Variants in HSD3B7 observed in about 807,000 individuals in gnomAD.
The protein encoded by HSD3B7 is hydroxy-delta-5-steroid dehydrogenase, 3 beta- and steroid delta-isomerase 7, also known as 3 beta-hydroxysteroid dehydrogenase type 7.
Under a neutral mutation model 34.3 loss-of-function variants are expected in HSD3B7, and 35 were observed. The observed-to-expected ratio is 1.02, with a 90% CI of 0.78 to 1.35. The LOEUF is 1.35. Among genes scored for constraint, HSD3B7 ranks in the 40% most tolerant of loss-of-function variants. The pLI is 0.00. For synonymous variants in HSD3B7, 217 were observed against 220.1 expected (o/e 0.99, Z 0.13); for missense variants, 426 against 504.7 (o/e 0.84, Z 1.49).
Position 30,985,752 on chromosome 16 carries a change from C to T in HSD3B7, c.94C>T (p.Arg32Trp), listed in dbSNP as rs775304061. The T allele has an allele frequency of 2.3e-5, 37 of 1,605,794 alleles. No homozygotes were observed. Among genetic ancestry groups the T allele is most frequent in the South Asian group, 5.6e-5 (5 of 89,618 alleles). Residue 32 changes from arginine (R) to tryptophan (W), a missense_variant, in exon 2 of 7, where the codon CGG becomes TGG. Coordinates refer to ENST00000297679, the MANE Select transcript of HSD3B7 (RefSeq NM_025193.4). The stretch of plus-strand genomic sequence containing the variant: ...GCACGTGGTGCGAATGCTGCTGCAG[C>T]GGGAGCCCCGGCTCGGGGAGCTGCG... ...GEHVVRMLLQREPRLGELRVF... is the reference protein window; with the variant it reads ...GEHVVRMLLQWEPRLGELRVF...
rs1040391214 is a variant in HSD3B7 at position 30,987,790 on chromosome 16, G to A, written c.717G>A (p.Val239=). 6.2e-7 allele frequency: 1 copy of A among 1,612,716 alleles called. No homozygotes were observed. The highest frequency in any genetic ancestry group is 8.5e-7 in the Non-Finnish European group (1 of 1,180,020). ...CAGGCAATGTTGCCTGGATGCACGT[G>A]CTGGCAGCCCGGGAGCTGGAGCAGC... The part of the protein sequence containing the change: ...VYVGNVAWMH[V]LAARELEQRA... Residue 239 remains valine, a synonymous_variant, in exon 7 of 7, where the codon GTG becomes GTA. Transcript: ENST00000297679.
chr16:30,988,335 TTTC>T lies in HSD3B7; in HGVS notation c.*155_*157del. The T allele has an allele frequency of 1.4e-6, 1 of 706,032 alleles. No individual in the cohort carries two copies. The allele number at this position is 706,032 out of a possible 1,614,324, so 43.7% of individuals were successfully genotyped here. On this transcript the variant is annotated 3_prime_UTR_variant, in exon 7 of 7. Coordinates refer to ENST00000297679, the MANE Select transcript of HSD3B7 (RefSeq NM_025193.4). ...GTCCTTGTCGTAGAGCCCTCCACAT[TTTC>T]TTTTTCTTTTTTGAGACAGGGTCTT...
chr16:30,985,686 C>T lies in HSD3B7; in HGVS notation c.28C>T (p.Leu10=), dbSNP rs753335918. The change falls in exon 2 of 7, where the codon CTG becomes TTG. Residue 10 remains leucine (L), a synonymous_variant. Coordinates refer to ENST00000297679, the MANE Select transcript of HSD3B7 (RefSeq NM_025193.4). The part of the protein sequence containing the change: MADSAQAQK[L]VYLVTGGCGF... ...GGCCGACTCTGCACAGGCCCAGAAG[C>T]TGGTGTACCTGGTCACAGGGGGCTG... 2 of 1,607,894 alleles carry T rather than the reference C, an allele frequency of 1.2e-6. No homozygotes were observed. Among genetic ancestry groups the T allele is most frequent in the African/African-American group, 2.7e-5 (2 of 74,862 alleles).
In HSD3B7 at chr16:30,985,747, T is replaced by TGCA; in HGVS notation, c.92_94dup (p.Gln31dup). The TGCA allele has an allele frequency of 3.1e-6, 5 of 1,607,368 alleles. No homozygotes were observed. The highest frequency in any genetic ancestry group is 4.2e-6 in the Non-Finnish European group (5 of 1,178,284). On this transcript the variant is annotated inframe_insertion, in exon 2 of 7. Transcript: ENST00000297679. ...GGAGAGCACGTGGTGCGAATGCTGCTGCAGCGGGAGCCCCGGCTCGGGGAG... is the reference window on the plus strand; with the variant it reads ...GGAGAGCACGTGGTGCGAATGCTGCTGCAGCAGCGGGAGCCCCGGCTCGGGGAG...
Position 30,985,288 on chromosome 16 carries a change from G to A in HSD3B7, c.-16G>A, listed in dbSNP as rs1173898748. 1.7e-6 allele frequency: 2 copies of A among 1,189,200 alleles called. No individual in the cohort carries two copies. Among genetic ancestry groups the A allele is most frequent in the African/African-American group, 3.2e-5 (2 of 62,922 alleles). The allele number at this position is 1,189,200 out of a possible 1,614,324, so 73.7% of individuals were successfully genotyped here. ...AGGCCAGTCTGGGCACCCTGGGATAGCGGCTGCAGGTAGGCAGAGGCGCTG... is the reference window on the plus strand; with the variant it reads ...AGGCCAGTCTGGGCACCCTGGGATAACGGCTGCAGGTAGGCAGAGGCGCTG... On this transcript the variant is annotated 5_prime_UTR_variant, in exon 1 of 7. Transcript: ENST00000297679.
chr16:30,985,566 G>T, intron 1 of HSD3B7, 87 bp from the exon 2 acceptor site: 1 of 1,535,788 alleles, frequency 6.5e-7, no homozygotes, highest in Non-Finnish European at 8.7e-7. Flanking sequence ...CGCCAGCCTC[G>T]TCACCGCTCC....
intron 1 of HSD3B7, 122 bp downstream of exon 1, chr16:30,985,419 A>G: frequency 7.1e-7 from 1 of 1,413,322 alleles, no homozygotes. Flanking sequence ...ACTGCCTTCA[A>G]ATCTCTCTCC....
At chr16:30,985,957 A>T in intron 2 of HSD3B7, 92 bp from the exon 3 acceptor site, 2 of 1,569,208 alleles carry the variant, frequency 1.3e-6, no homozygotes, top group Non-Finnish European at 8.7e-7. Flanking sequence ...AGTGAGTCAC[A>T]TTGGGAACGT....
intron 6 of HSD3B7, chr16:30,987,327 A>T: frequency 2.3e-6 from 1 of 432,242 alleles, no homozygotes; most frequent in East Asian, 4.6e-5. Context: ...CGCATCTATA[A>T]TCCCAGCACT....
intron 1 of HSD3B7, 165 bp from the exon 2 acceptor site, chr16:30,985,488 C>T: frequency 6.7e-7 from 1 of 1,497,548 alleles, no homozygotes; most frequent in Non-Finnish European, 8.9e-7. Flanking sequence ...ACTCAGCCAT[C>T]AGCAGGGGCA....
At chr16:30,987,576 T>C in intron 6 of HSD3B7, 192 bp from the exon 7 acceptor site, 1 of 659,674 alleles carries the variant, frequency 1.5e-6, no homozygotes, top group Non-Finnish European at 2.7e-6. Flanking sequence ...CCCAGGTTCT[T>C]TGCAGATGCA....
chr16:30,985,892 C>T, intron 2 of HSD3B7, 68 bp downstream of exon 2: 1 of 1,584,116 alleles, frequency 6.3e-7, no homozygotes, highest in East Asian at 2.3e-5. Flanking sequence ...AAGCTGGGAT[C>T]CCCACCCCTG....
At chr16:30,986,741 C>G in intron 5 of HSD3B7, 37 bp downstream of exon 5, 4 of 1,610,852 alleles carry the variant, frequency 2.5e-6, no homozygotes, top group Non-Finnish European at 3.4e-6. Context: ...GATGGGGCTC[C>G]TGCCCTGCAC....
At chr16:30,987,068 A>G in intron 6 of HSD3B7, 66 bp downstream of exon 6, 1 of 1,536,112 alleles carries the variant, frequency 6.5e-7, no homozygotes, top group South Asian at 1.2e-5. Context: ...AGAAGGGGGC[A>G]GGACCCACAT....
In HSD3B7 at chr16:30,988,185, G is replaced by C. The variant is rs747934703; in HGVS notation, c.*2G>C. 1 of 1,589,464 alleles carries C rather than the reference G, an allele frequency of 6.3e-7. No individual in the cohort carries two copies. The highest frequency in any genetic ancestry group is 8.5e-7 in the Non-Finnish European group (1 of 1,172,948). The stretch of plus-strand genomic sequence containing the variant: ...GCCGCTACGGGTTCAGCCCAGTGAC[G>C]GTGGGGCTGGGGCCTGGAGGCCCAG... On this transcript the variant is annotated 3_prime_UTR_variant, in exon 7 of 7. Coordinates refer to ENST00000297679, the MANE Select transcript of HSD3B7 (RefSeq NM_025193.4).
chr16:30,986,511 C>A lies in HSD3B7; in HGVS notation c.411C>A (p.Thr137=). Residue 137 remains threonine, a synonymous_variant, in exon 4 of 7, where the codon ACC becomes ACA. Transcript: ENST00000297679. Reference sequence around the variant, plus strand: ...GCATGGAAGTTGTGGGGCCTAACACCAAAGGTCACCCCTTCTACAGGTGAG... The same window carrying A: ...GCATGGAAGTTGTGGGGCCTAACACAAAAGGTCACCCCTTCTACAGGTGAG... ...TSSMEVVGPN[T]KGHPFYRGNE... is the part of the protein sequence containing the mutation. 1 of 1,613,986 alleles carries A rather than the reference C, an allele frequency of 6.2e-7. No individual in the cohort carries two copies. The highest frequency in any genetic ancestry group is 8.5e-7 in the Non-Finnish European group (1 of 1,179,862).
At chr16:30,986,355 G>A in intron 3 of HSD3B7, 68 bp from the exon 4 acceptor site, 1 of 1,571,258 alleles carries the variant, frequency 6.4e-7, no homozygotes, top group Non-Finnish European at 8.7e-7. Context: ...CCCTGGACCT[G>A]GGATGGGGAG....
rs1274962831 is a variant in HSD3B7, at chr16:30,986,536, G to A, written c.431+5G>A. The A allele has an allele frequency of 6.2e-7, 1 of 1,613,388 alleles. No homozygotes were observed. Among genetic ancestry groups the A allele is most frequent in the Non-Finnish European group, 8.5e-7 (1 of 1,179,292 alleles). ...CAAAGGTCACCCCTTCTACAGGTGA[G>A]TGGCAGGCCCTCTTGTCCTCTAAGA... On this transcript the variant is annotated splice_donor_5th_base_variant and intron_variant, in intron 4 of 6. Coordinates refer to ENST00000297679, the MANE Select transcript of HSD3B7 (RefSeq NM_025193.4).
chr16:30,986,034 T>C lies in HSD3B7; in HGVS notation c.167-15T>C. On this transcript the variant is annotated splice_polypyrimidine_tract_variant and intron_variant, in intron 2 of 6. Coordinates refer to ENST00000297679, the MANE Select transcript of HSD3B7 (RefSeq NM_025193.4). Reference sequence around the variant, plus strand: ...CCCAGCTCTGACATGGCCTGTGTCCTCCAACCCCGGCCAGGGCCTGTGAGG... The same window carrying C: ...CCCAGCTCTGACATGGCCTGTGTCCCCCAACCCCGGCCAGGGCCTGTGAGG... 1 of 1,611,940 alleles carries C rather than the reference T, an allele frequency of 6.2e-7. No individual in the cohort carries two copies. Among genetic ancestry groups the C allele is most frequent in the Non-Finnish European group, 8.5e-7 (1 of 1,179,682 alleles).
Sources: gnomAD v4.1 joint callset for allele counts on GRCh38, gnomAD v4.1.1 for gene constraint, MANE v1.5 for transcripts, NCBI Gene and HGNC (gene_info 2026-07-23, HGNC 2026-07-21) for gene names.